The following FHDC1 variants were observed in gnomAD, a reference collection of about 807,000 sequenced individuals.
FHDC1 encodes the protein FH2 domain containing 1, also known as FH2 domain-containing protein 1.
FHDC1 carries 25 observed loss-of-function variants against 52.6 expected under a neutral mutation model. The ratio of observed to expected loss-of-function variants is 0.48; its 90% CI spans 0.35 to 0.66. The LOEUF (loss-of-function observed/expected upper bound fraction) is 0.66. FHDC1 is among the 30% of genes least tolerant of loss of function. FHDC1 has a pLI of 0.01. For synonymous variants in FHDC1, 616 were observed against 581.5 expected, an observed-to-expected ratio of 1.06 and a Z score of -0.85; for missense variants, 1,459 against 1,452.8, an observed-to-expected ratio of 1.00 and a Z score of -0.07.
chr4:152,974,516 A>G (rs891108530), intron 11 of FHDC1, among the ~76,000 whole-genome samples, 159 bp from the exon 12 acceptor site: 1 of 152,088 alleles, frequency 6.6e-6, no homozygotes, highest in Non-Finnish European at 1.5e-5. Context: ...ACACACACAC[A>G]TGCATGTGCA....
the FHDC1 span, among the ~76,000 whole-genome samples, chr4:152,916,517 T>C: frequency 6.6e-6 from 1 of 152,208 alleles, no homozygotes; most frequent in East Asian, 1.9e-4. Flanking sequence ...AGTGGGTGGA[T>C]ATGTGGGGTT....
the FHDC1 span, among the ~76,000 whole-genome samples, chr4:152,922,303 C>T: frequency 6.6e-6 from 1 of 152,134 alleles, no homozygotes; most frequent in African/African-American, 2.4e-5. Context: ...CAAGACTAAA[C>T]CAGGAAGAAG....
chr4:152,962,485 G>C (rs1740308779), intron 6 of FHDC1, among the ~76,000 whole-genome samples: 1 of 152,184 alleles, frequency 6.6e-6, no homozygotes, highest in Non-Finnish European at 1.5e-5. Flanking sequence ...TGCTGAGAAG[G>C]AAGTTAACTC....
chr4:152,936,934 C>T (rs1739400421), intron 1 of FHDC1, among the ~76,000 whole-genome samples: 1 of 152,238 alleles, frequency 6.6e-6, no homozygotes, highest in Non-Finnish European at 1.5e-5. Flanking sequence ...TGGCGGGGAC[C>T]TAGTGCGGTG....
rs1342574394 is a variant in FHDC1, at chr4:152,968,219, A to C, written c.1218+122A>C. ...TTCCCATTCATATTTTTTTTCTCCA[A>C]GTTAGTCAGAGGAACTTGGTATTTC... is the stretch of plus-strand genomic sequence containing the variant. On this transcript the variant is annotated intron_variant, in intron 10 of 11. Transcript: ENST00000511601. 4 of 665,348 alleles carry C rather than the reference A, an allele frequency of 6.0e-6. No individual in the cohort carries two copies. The Admixed American group carries it at 8.1e-5, about 14-fold the overall frequency. The allele number at this position is 665,348 out of a possible 1,614,324, so 41.2% of individuals were successfully genotyped here. A position where few individuals can be genotyped will look rare whatever the true frequency, so the allele number is the denominator to read the frequency against.
Position 152,975,904 on chromosome 4 carries a change from TCCCGGGGCCTCCAAG to T in FHDC1, c.2620_2634del (p.Ala874_Gly878del). On this transcript the variant is annotated inframe_deletion, in exon 12 of 12. Coordinates refer to ENST00000511601, the MANE Select transcript of FHDC1 (RefSeq NM_001371116.1). ...AGAGAGGCTCCCTGAAAGAGGCGTC[TCCCGGGGCCTCCAAG>T]CCCGGGAGCGCCCGGCGGAGCCAGG... 1 of 1,512,514 alleles carries T rather than the reference TCCCGGGGCCTCCAAG, an allele frequency of 6.6e-7. No individual in the cohort carries two copies. The highest frequency in any genetic ancestry group is 8.8e-7 in the Non-Finnish European group (1 of 1,132,594). The allele number at this position is 1,512,514 out of a possible 1,614,324, so 93.7% of individuals were successfully genotyped here.
At chr4:152,972,614 C>T (rs1277501405) in intron 11 of FHDC1, 73 bp downstream of exon 11, 1 of 1,503,504 alleles carries the variant, frequency 6.7e-7, no homozygotes, top group Non-Finnish European at 8.9e-7. Flanking sequence ...TAGTCATCTG[C>T]TCACCACAGA....
At chr4:152,951,403 C>T (rs1293698546) in intron 2 of FHDC1, among the ~76,000 whole-genome samples, 3 of 151,840 alleles carry the variant, frequency 2.0e-5, no homozygotes, top group Admixed American at 6.6e-5. Flanking sequence ...ACTGCAGTCC[C>T]CAGATAGGAT....
At chr4:152,914,890 ACTT>A in the FHDC1 span, among the ~76,000 whole-genome samples, 1 of 151,618 alleles carries the variant, frequency 6.6e-6, no homozygotes, top group South Asian at 2.1e-4. Context: ...CTCTGTAAAA[ACTT>A]TTTTTTTTTT....
rs756746617 is a variant in FHDC1, at chr4:152,974,900, C to G, written c.1609C>G (p.Arg537Gly). The change falls in exon 12 of 12, where the codon CGC (arginine) becomes GGC (glycine). Residue 537 changes from arginine (R) to glycine (G), a missense_variant. By Grantham distance (125) the Arg-to-Gly change is moderately radical. This residue lies in a region of FHDC1 where 939 missense variants were observed against 854.5 expected (regional missense o/e 1.10). Coordinates refer to ENST00000511601, the MANE Select transcript of FHDC1 (RefSeq NM_001371116.1). ...SSPSYRPPNT[R>G]RSRLSLGPSA... ...CCCCTCCTACCGGCCCCCGAACACC[C>G]GCCGCTCCCGCCTCTCCCTGGGTCC... 2.2e-5 allele frequency: 36 copies of G among 1,608,816 alleles called. No homozygotes were observed. Among genetic ancestry groups the G allele is most frequent in the Non-Finnish European group, 3.0e-5 (35 of 1,178,434 alleles).
Position 152,942,949 on chromosome 4 carries a change from C to T in FHDC1, c.-109C>T. The T allele has an allele frequency of 7.9e-7, 1 of 1,258,302 alleles. No individual in the cohort carries two copies. The highest frequency in any genetic ancestry group is 1.1e-6 in the Non-Finnish European group (1 of 902,914). The allele number at this position is 1,258,302 out of a possible 1,614,324, so 77.9% of individuals were successfully genotyped here. On this transcript the variant is annotated 5_prime_UTR_variant, in exon 2 of 12. Coordinates refer to ENST00000511601, the MANE Select transcript of FHDC1 (RefSeq NM_001371116.1). ...CTAGGTTTGGAAGAGGACAGTTGCCCTTTATTCTGGCGGCAGATAGCAGCA... is the reference window on the plus strand; with the variant it reads ...CTAGGTTTGGAAGAGGACAGTTGCCTTTTATTCTGGCGGCAGATAGCAGCA...
chr4:152,966,660 C>T (rs1374716642), intron 9 of FHDC1, among the ~76,000 whole-genome samples: 2 of 152,108 alleles, frequency 1.3e-5, no homozygotes, highest in Non-Finnish European at 2.9e-5. Flanking sequence ...CAGGGTTTCA[C>T]CATACTGGCC....
the FHDC1 span, chr4:152,927,530 C>A: frequency 7.8e-7 from 1 of 1,283,044 alleles, no homozygotes; most frequent in Non-Finnish European, 1.1e-6. Context: ...CAAAAGGAGG[C>A]AAGAAGAATG....
rs1308597912 is a variant in FHDC1 at position 152,954,384 on chromosome 4, T to C, written c.663+65T>C. The C allele has an allele frequency of 5.8e-6, 8 of 1,386,882 alleles. No homozygotes were observed. In the South Asian group the frequency reaches 7.1e-5, roughly 12 times the overall value. The allele number at this position is 1,386,882 out of a possible 1,614,324, so 85.9% of individuals were successfully genotyped here. A position where few individuals can be genotyped will look rare whatever the true frequency, so the allele number is the denominator to read the frequency against. ...ATCATAAAAGCTTAATATTTTTAAG[T>C]GTGTCAAAGCTCACATGGAAGGCCA... On this transcript the variant is annotated intron_variant, in intron 4 of 11. Transcript: ENST00000511601.
the FHDC1 span, among the ~76,000 whole-genome samples, chr4:152,921,546 T>TTTCCTTCCTTCCTTCC: frequency 2.2e-5 from 3 of 138,540 alleles, no homozygotes; most frequent in African/African-American, 5.6e-5. Flanking sequence ...AAATATTTTC[T>TTTCCTTCCTTCCTTCC]TTCCTTCCTT....
chr4:152,963,310 A>T (rs530240753), intron 8 of FHDC1, among the ~76,000 whole-genome samples, 180 bp downstream of exon 8: 2 of 152,162 alleles, frequency 1.3e-5, no homozygotes, highest in Non-Finnish European at 2.9e-5. Flanking sequence ...ACCCAGGGCT[A>T]TAGGGCTGAA....
At chr4:152,949,124 T>TAATAATAATAATAAGAAG (rs1347590282) in intron 2 of FHDC1, among the ~76,000 whole-genome samples, 28 of 74,698 alleles carry the variant, frequency 3.7e-4, no homozygotes, top group Admixed American at 8.9e-4. Flanking sequence ...ATAATAATAA[T>TAATAATAATAATAAGAAG]AAGAAGAAGA....
At chr4:152,922,156 A>G in the FHDC1 span, among the ~76,000 whole-genome samples, 1 of 152,200 alleles carries the variant, frequency 6.6e-6, no homozygotes, top group African/African-American at 2.4e-5. Flanking sequence ...TAGACACAAT[A>G]AAAAATGATA....
At chr4:152,912,457 TACTC>T in the FHDC1 span, 2 of 152,186 alleles carry the variant, frequency 1.3e-5, no homozygotes, top group Admixed American at 6.5e-5. Context: ...TTTACTTACT[TACTC>T]CCTTAGGTTA....
Sources: gnomAD v4.1 joint callset for allele counts (sites outside exome capture counted in the v4.1 genomes callset) on GRCh38, gnomAD v4.1.1 for gene constraint, gnomAD v4.1.1 regional missense constraint, MANE v1.5 for transcripts, NCBI Gene and HGNC (gene_info 2026-07-23, HGNC 2026-07-21) for gene names.